FOXP1: variants seen among roughly 807,000 people sequenced by gnomAD.
FOXP1 encodes forkhead box protein P1.
FOXP1 carries 15 observed loss-of-function variants against 98.2 expected under a neutral mutation model. The ratio of observed to expected loss-of-function variants is 0.15; its 90% CI spans 0.10 to 0.24. FOXP1 has a LOEUF of 0.24. Ranked by LOEUF, FOXP1 falls within the 10% of genes least tolerant of loss-of-function variation. FOXP1 has a pLI of 1.00. For synonymous variants in FOXP1, 371 were observed against 314.5 expected (o/e 1.18, Z -1.90); for missense variants, 633 against 848.5 (o/e 0.75, Z 3.15).
chr3:71,124,656 A>G (rs1218154322), intron 6 of FOXP1, among the ~76,000 whole-genome samples: 1 of 80,370 alleles, frequency 1.2e-5, no homozygotes, highest in African/African-American at 4.0e-5. Flanking sequence ...AAAAAAAAAG[A>G]AAAAAAAAAG....
intron 2 of FOXP1, among the ~76,000 whole-genome samples, chr3:71,558,952 G>A (rs1270806152): frequency 6.6e-6 from 1 of 151,234 alleles, no homozygotes; most frequent in Non-Finnish European, 1.5e-5. Context: ...ACAGGTGCCT[G>A]CCACCACACC....
chr3:71,550,539 A>G (rs1361688443), intron 2 of FOXP1, among the ~76,000 whole-genome samples: 7 of 152,258 alleles, frequency 4.6e-5, no homozygotes, highest in Non-Finnish European at 1.0e-4. Flanking sequence ...CTAAATTAAC[A>G]TCCAGTGAAT....
intron 17 of FOXP1, 127 bp from the exon 18 acceptor site, chr3:70,972,803 G>T: frequency 1.2e-6 from 1 of 865,532 alleles, no homozygotes; most frequent in Non-Finnish European, 1.8e-6. Flanking sequence ...TACCACCCCC[G>T]TGGAGGACCT....
At chr3:71,142,742 C>G (rs944035505) in intron 6 of FOXP1, among the ~76,000 whole-genome samples, 2 of 152,328 alleles carry the variant, frequency 1.3e-5, no homozygotes, top group South Asian at 4.1e-4. Flanking sequence ...CCTCCCTATT[C>G]TCTGAGGAGA....
chr3:71,163,439 G>C (rs1576135476), intron 6 of FOXP1, among the ~76,000 whole-genome samples: 1 of 152,120 alleles, frequency 6.6e-6, no homozygotes, highest in African/African-American at 2.4e-5. Flanking sequence ...CTGTGACTCA[G>C]GTGGTGGAAA....
chr3:71,541,958 G>A (rs765849011), intron 2 of FOXP1: 35 of 531,232 alleles, frequency 6.6e-5, no homozygotes, highest in Admixed American at 4.3e-4. Flanking sequence ...ATGGCATCAC[G>A]CCGCGCGAGA....
rs536743268 is a variant in FOXP1, at chr3:71,405,210, G to A, written c.-167-45966C>T. 9.8e-5 allele frequency among the ~76,000 whole-genome samples: 15 copies of A among 152,312 alleles called. No homozygotes were observed. In the East Asian group the frequency reaches 2.9e-3, roughly 29 times the overall value. ...CCATGTTTAGTCTCTGTGCAACTAT[G>A]GAAGAGTGGTTGGCCTTTTCTGATG... On this transcript the variant is annotated intron_variant, in intron 3 of 20. Coordinates refer to ENST00000649528, the MANE Select transcript of FOXP1 (RefSeq NM_001349338.3).
chr3:71,365,806 A>C (rs943499325), intron 3 of FOXP1, among the ~76,000 whole-genome samples: 1 of 152,196 alleles, frequency 6.6e-6, no homozygotes. Context: ...AACACGGTGA[A>C]ACCCCATCTC....
intron 7 of FOXP1, among the ~76,000 whole-genome samples, chr3:71,066,409 A>AT (rs773145304): frequency 3.9e-5 from 6 of 152,118 alleles, no homozygotes; most frequent in Admixed American, 1.3e-4. Flanking sequence ...TATTAATGGG[A>AT]TTTTTTCAGG....
intron 4 of FOXP1, among the ~76,000 whole-genome samples, chr3:71,358,833 T>C (rs1577121254): frequency 2.0e-5 from 3 of 152,038 alleles, no homozygotes; most frequent in Admixed American, 1.3e-4. Flanking sequence ...AAAGGCAGAG[T>C]TGACTAGTTG....
intron 2 of FOXP1, among the ~76,000 whole-genome samples, chr3:71,516,611 C>G (rs899771365): frequency 1.3e-5 from 2 of 152,092 alleles, no homozygotes; most frequent in Non-Finnish European, 2.9e-5. Context: ...TTTGGGAGGC[C>G]AAGGCGGGTG....
chr3:71,052,485 A>G, intron 9 of FOXP1, 52 bp downstream of exon 9: 3 of 870,086 alleles, frequency 3.4e-6, no homozygotes, highest in South Asian at 2.6e-5. Flanking sequence ...AATAGCCACT[A>G]GATAGTCCTC....
intron 7 of FOXP1, among the ~76,000 whole-genome samples, chr3:71,063,324 C>A (rs188715272): frequency 1.3e-5 from 2 of 152,380 alleles, no homozygotes; most frequent in Non-Finnish European, 1.5e-5. Flanking sequence ...AGTGGTCAAT[C>A]TTAATAACCA....
intron 19 of FOXP1, among the ~76,000 whole-genome samples, chr3:70,967,727 T>TTTTTA (rs2035253734): frequency 1.4e-5 from 2 of 140,716 alleles, no homozygotes; most frequent in African/African-American, 5.5e-5. Context: ...TTTTTTTTTT[T>TTTTTA]TGCAAACTGC....
chr3:71,407,316 TG>T (rs1375605473), intron 3 of FOXP1, among the ~76,000 whole-genome samples: 2 of 151,692 alleles, frequency 1.3e-5, no homozygotes, highest in Non-Finnish European at 2.9e-5. Flanking sequence ...GGGTGGGGGG[TG>T]GCGGGAACAC....
At chr3:71,345,389 A>AAT (rs570301889) in intron 4 of FOXP1, among the ~76,000 whole-genome samples, 60 of 61,308 alleles carry the variant, frequency 9.8e-4, no homozygotes, top group African/African-American at 2.4e-3. Flanking sequence ...ATCTGTCTCA[A>AAT]ATATATATAC....
intron 6 of FOXP1, among the ~76,000 whole-genome samples, chr3:71,171,944 A>C (rs754672668): frequency 6.6e-6 from 1 of 152,242 alleles, no homozygotes; most frequent in Non-Finnish European, 1.5e-5. Context: ...TTATTTGCAG[A>C]AAAGGCACTT....
At chr3:71,439,989 G>GT (rs1367910251) in intron 3 of FOXP1, among the ~76,000 whole-genome samples, 1 of 150,288 alleles carries the variant, frequency 6.7e-6, no homozygotes, top group Admixed American at 6.6e-5. Context: ...GAATCCTGCT[G>GT]TAACAGGCAC....
At chr3:71,376,227 T>C (rs1025574041) in intron 3 of FOXP1, among the ~76,000 whole-genome samples, 3 of 152,142 alleles carry the variant, frequency 2.0e-5, no homozygotes, top group African/African-American at 4.8e-5. Flanking sequence ...TGGAGTAAGA[T>C]TAATCCCATC....
Sources: gnomAD v4.1 joint callset for allele counts (sites outside exome capture counted in the v4.1 genomes callset) on GRCh38, gnomAD v4.1.1 for gene constraint, MANE v1.5 for transcripts, NCBI Gene and HGNC (gene_info 2026-07-23, HGNC 2026-07-21) for gene names.